The following PARD3 variants were observed in gnomAD, a reference collection of about 807,000 sequenced individuals.
The protein encoded by PARD3 is par-3 family cell polarity regulator.
PARD3 carries 75 observed loss-of-function variants against 155.4 expected under a neutral mutation model. The observed-to-expected ratio is 0.48, with a 90% CI of 0.40 to 0.58. PARD3 has a LOEUF of 0.58. Among genes scored for constraint, PARD3 ranks in the 20% least tolerant of loss-of-function variants. The pLI is 0.00. For missense variants in PARD3, 1,642 were observed against 1,721.7 expected, an observed-to-expected ratio of 0.95 and a Z score of 0.82; for synonymous variants, 576 against 610.5, an observed-to-expected ratio of 0.94 and a Z score of 0.83.
intron 22 of PARD3, among the ~76,000 whole-genome samples, chr10:34,138,858 G>C (rs1948036631): frequency 6.6e-6 from 1 of 150,382 alleles, no homozygotes; most frequent in Non-Finnish European, 1.5e-5. Context: ...TCCAATTACT[G>C]CAGATGAAAA....
intron 2 of PARD3, among the ~76,000 whole-genome samples, chr10:34,547,706 G>C (rs1195343435): frequency 6.6e-6 from 1 of 152,134 alleles, no homozygotes; most frequent in South Asian, 2.1e-4. Flanking sequence ...TGACCAAGTG[G>C]TGACTCCAAT....
In PARD3 at chr10:34,443,749, C is replaced by T. The variant is rs539149117; in HGVS notation, c.714+6568G>A. ...TTTGGGTGGGGACACAGCCAAACCA[C>T]AACATGTATCATGTGAATATTGTTT... On this transcript the variant is annotated intron_variant, in intron 5 of 24. Transcript: ENST00000374788. Among the ~76,000 whole-genome samples the T allele has an allele frequency of 6.4e-4, 97 of 152,104 alleles. 1 individual carries two copies. In the South Asian group the frequency reaches 6.7e-3, roughly 10 times the overall value.
At chr10:34,669,984 G>C (rs564191368) in intron 2 of PARD3, among the ~76,000 whole-genome samples, 2 of 152,204 alleles carry the variant, frequency 1.3e-5, no homozygotes, top group Non-Finnish European at 2.9e-5. Flanking sequence ...TTCAAAGTTA[G>C]ATAACCAGAA....
chr10:34,358,820 G>C (rs1839156886), intron 14 of PARD3, among the ~76,000 whole-genome samples: 6 of 152,152 alleles, frequency 3.9e-5, no homozygotes, highest in Admixed American at 3.3e-4. Context: ...GTATAACTCT[G>C]CCAACTAGAA....
rs188897627 is a variant in PARD3, at chr10:34,679,424, T to C, written c.222+16894A>G. 7.7e-4 allele frequency among the ~76,000 whole-genome samples: 117 copies of C among 152,278 alleles called. 1 individual carries two copies. The East Asian group carries it at 0.02, about 25-fold the overall frequency. On this transcript the variant is annotated intron_variant, in intron 2 of 24. Coordinates refer to ENST00000374788, the MANE Select transcript of PARD3 (RefSeq NM_001184785.2). Reference sequence around the variant, plus strand: ...TCAAAGAAGTCTCTCAACGCATTCCTTGCCAAAATAGACAGAGGGCTATAG... The same window carrying C: ...TCAAAGAAGTCTCTCAACGCATTCCCTGCCAAAATAGACAGAGGGCTATAG...
intron 3 of PARD3, among the ~76,000 whole-genome samples, chr10:34,477,172 G>A (rs1589712912): frequency 1.3e-5 from 2 of 152,132 alleles, no homozygotes; most frequent in African/African-American, 4.8e-5. Flanking sequence ...GAAATAATAG[G>A]AGCTTCTCAT....
intron 22 of PARD3, among the ~76,000 whole-genome samples, chr10:34,187,535 G>A (rs1950540867): frequency 1.3e-5 from 2 of 152,050 alleles, no homozygotes; most frequent in African/African-American, 2.4e-5. Context: ...TGTCTAAAAG[G>A]GAAAAACAAC....
At chr10:34,614,436 G>C (rs1051623526) in intron 2 of PARD3, among the ~76,000 whole-genome samples, 1 of 152,204 alleles carries the variant, frequency 6.6e-6, no homozygotes, top group African/African-American at 2.4e-5. Context: ...ATTAAAATAA[G>C]TGTCCTATTC....
At chr10:34,514,540 A>G (rs1231390172) in intron 3 of PARD3, among the ~76,000 whole-genome samples, 1 of 152,218 alleles carries the variant, frequency 6.6e-6, no homozygotes, top group East Asian at 1.9e-4. Context: ...GGACCTGTGT[A>G]TAGTAGATGC....
intron 3 of PARD3, among the ~76,000 whole-genome samples, chr10:34,484,080 C>G (rs2079276087): frequency 6.6e-6 from 1 of 152,084 alleles, no homozygotes; most frequent in Non-Finnish European, 1.5e-5. Context: ...AGCAAAATCA[C>G]CAGCAAAAAG....
chr10:34,507,556 A>C (rs1207200910), intron 3 of PARD3, among the ~76,000 whole-genome samples: 1 of 151,754 alleles, frequency 6.6e-6, no homozygotes, highest in African/African-American at 2.4e-5. Flanking sequence ...AACAAAAAAA[A>C]AAAAACAAAA....
intron 22 of PARD3, among the ~76,000 whole-genome samples, chr10:34,170,054 G>A (rs1345852925): frequency 4.6e-5 from 7 of 152,148 alleles, no homozygotes; most frequent in Non-Finnish European, 1.0e-4. Context: ...ATTATTAGAC[G>A]TTTATAGCTT....
chr10:34,439,065 G>A (rs1014075713), intron 5 of PARD3, among the ~76,000 whole-genome samples: 2 of 152,214 alleles, frequency 1.3e-5, no homozygotes, highest in Non-Finnish European at 2.9e-5. Context: ...GCATGACTCC[G>A]TAGACAGGAG....
intron 22 of PARD3, among the ~76,000 whole-genome samples, chr10:34,250,996 A>G (rs1159928231): frequency 6.6e-6 from 1 of 152,166 alleles, no homozygotes; most frequent in Non-Finnish European, 1.5e-5. Flanking sequence ...ACATCCTCTA[A>G]TATCATAAAC....
intron 2 of PARD3, among the ~76,000 whole-genome samples, chr10:34,601,438 C>T (rs1435026451): frequency 6.6e-6 from 1 of 152,050 alleles, no homozygotes; most frequent in African/African-American, 2.4e-5. Context: ...GAGAACCCGT[C>T]GTTCATTCAT....
At chr10:34,241,222 G>A (rs966729516) in intron 22 of PARD3, among the ~76,000 whole-genome samples, 2 of 152,200 alleles carry the variant, frequency 1.3e-5, no homozygotes, top group Non-Finnish European at 2.9e-5. Context: ...AGGAAACTCT[G>A]AGCTGAGCCT....
chr10:34,569,034 T>A (rs947623040), intron 2 of PARD3, among the ~76,000 whole-genome samples: 1 of 152,206 alleles, frequency 6.6e-6, no homozygotes, highest in African/African-American at 2.4e-5. Context: ...GTAAAAGTAT[T>A]AAAAAATATT....
intron 2 of PARD3, among the ~76,000 whole-genome samples, chr10:34,624,767 G>A (rs1440729327): frequency 6.6e-6 from 1 of 152,240 alleles, no homozygotes; most frequent in Non-Finnish European, 1.5e-5. Flanking sequence ...AGCCCGCTCT[G>A]ATGTCAACCA....
chr10:34,686,242 T>G (rs1002193664), intron 2 of PARD3, among the ~76,000 whole-genome samples: 1 of 152,190 alleles, frequency 6.6e-6, no homozygotes, highest in Non-Finnish European at 1.5e-5. Flanking sequence ...AATTAGAATC[T>G]GGATAATAAC....
Sources: gnomAD v4.1 joint callset for allele counts (sites outside exome capture counted in the v4.1 genomes callset) on GRCh38, gnomAD v4.1.1 for gene constraint, MANE v1.5 for transcripts, NCBI Gene and HGNC (gene_info 2026-07-23, HGNC 2026-07-21) for gene names.